The following ENOX2 variants were observed in gnomAD, a reference collection of about 807,000 sequenced individuals.
ENOX2 encodes the protein APK1 antigen.
A neutral mutation model predicts 45.0 loss-of-function variants in ENOX2; 36 were observed. The observed-to-expected ratio is 0.80, with a 90% CI of 0.61 to 1.06. ENOX2 has a LOEUF of 1.06. Among genes scored for constraint, ENOX2 ranks in the 50% least tolerant of loss-of-function variants. ENOX2 has a pLI of 0.00. For missense variants in ENOX2, 423 were observed against 462.5 expected (o/e 0.91, Z 0.78); for synonymous variants, 174 against 152.3 (o/e 1.14, Z -1.05).
intron 3 of ENOX2, among the ~76,000 whole-genome samples, chrX:130,783,244 C>T (rs1449313406): frequency 8.9e-6 from 1 of 112,184 alleles, no homozygotes; most frequent in Admixed American, 9.4e-5. Context: ...GCACTTCTGC[C>T]ATGAAGTGTT....
chrX:130,711,359 T>G (rs1193476850), intron 3 of ENOX2, among the ~76,000 whole-genome samples: 1 of 111,588 alleles, frequency 9.0e-6, no homozygotes, highest in Non-Finnish European at 1.9e-5. Flanking sequence ...TATTGCAGAC[T>G]TCAAGTGATG....
At chrX:130,720,879 C>T (rs946672499) in intron 3 of ENOX2, among the ~76,000 whole-genome samples, 10 of 111,436 alleles carry the variant, frequency 9.0e-5, no homozygotes, top group Admixed American at 3.8e-4. Flanking sequence ...AAGTATAGAG[C>T]GACAAGTCTG....
chrX:130,873,287 G>C (rs1428392205), intron 2 of ENOX2, among the ~76,000 whole-genome samples: 2 of 112,308 alleles, frequency 1.8e-5, no homozygotes, highest in Non-Finnish European at 3.8e-5. Flanking sequence ...ACAAACATAT[G>C]AAATAAAGCT....
chrX:130,886,044 T>C (rs762885093), intron 2 of ENOX2, among the ~76,000 whole-genome samples: 1 of 112,308 alleles, frequency 8.9e-6, no homozygotes, highest in South Asian at 3.7e-4. Flanking sequence ...ACTGAAGCTA[T>C]AAATTCAAAT....
At chrX:130,656,732 C>T (rs745717781) in intron 9 of ENOX2, 37 bp from the exon 10 acceptor site, 1 of 783,071 alleles carries the variant, frequency 1.3e-6, no homozygotes, top group Non-Finnish European at 1.9e-6. Context: ...GTGGGAATTC[C>T]TTGAAAATGT....
chrX:130,694,604 T>TC (rs2037702985), intron 4 of ENOX2, among the ~76,000 whole-genome samples: 1 of 101,459 alleles, frequency 9.9e-6, no homozygotes, highest in South Asian at 4.9e-4. Context: ...TCTTTTCTTT[T>TC]TTTTTTTTTT....
intron 2 of ENOX2, among the ~76,000 whole-genome samples, chrX:130,832,440 TAC>T (rs61623401): frequency 0.039 from 3,523 of 90,676 alleles, 76 homozygotes; most frequent in East Asian, 0.17. Flanking sequence ...CACACACACA[TAC>T]ACACACACAC....
chrX:130,881,933 G>A (rs2078819728), intron 2 of ENOX2, among the ~76,000 whole-genome samples: 2 of 111,930 alleles, frequency 1.8e-5, no homozygotes, highest in African/African-American at 6.5e-5. Flanking sequence ...TGCAGCTGCT[G>A]AAGGTCTGAA....
At chrX:130,712,094 C>T (rs903510007) in intron 3 of ENOX2, among the ~76,000 whole-genome samples, 3 of 112,402 alleles carry the variant, frequency 2.7e-5, no homozygotes, top group Admixed American at 1.9e-4. Context: ...GCAAGTTCCA[C>T]AAACTTTTTA....
chrX:130,633,424 A>G (rs1165440910), intron 12 of ENOX2, among the ~76,000 whole-genome samples: 1 of 112,457 alleles, frequency 8.9e-6, no homozygotes, highest in Non-Finnish European at 1.9e-5. Context: ...ACTGTCATGA[A>G]TTTCTCTAAA....
chrX:130,858,371 G>A (rs1167313344), intron 2 of ENOX2, among the ~76,000 whole-genome samples: 2 of 110,475 alleles, frequency 1.8e-5, no homozygotes, highest in Non-Finnish European at 3.8e-5. Flanking sequence ...GCCCGCCTCC[G>A]CCTCCCAAAG....
chrX:130,638,257 G>C (rs770389907), intron 10 of ENOX2, among the ~76,000 whole-genome samples: 1 of 109,094 alleles, frequency 9.2e-6, no homozygotes, highest in Admixed American at 9.8e-5. Context: ...CAGTAGAGGC[G>C]GGGTTTTGCC....
chrX:130,729,833 A>C (rs897434413), intron 3 of ENOX2, among the ~76,000 whole-genome samples: 4 of 112,207 alleles, frequency 3.6e-5, no homozygotes, highest in African/African-American at 9.7e-5. Flanking sequence ...TGGAGGCCAT[A>C]GCAGCTTTCG....
intron 7 of ENOX2, among the ~76,000 whole-genome samples, chrX:130,668,375 C>T (rs73555107): frequency 1.6e-3 from 182 of 111,739 alleles, no homozygotes; most frequent in African/African-American, 5.4e-3. Flanking sequence ...ATCCACAGCC[C>T]CAGGCCTTCC....
In ENOX2 at chrX:130,903,032, C is replaced by T. The variant is rs751314145; in HGVS notation, c.-231+17G>A. The T allele has an allele frequency of 9.0e-6, 1 of 111,691 alleles. No individual in the cohort carries two copies. Among genetic ancestry groups the T allele is most frequent in the African/African-American group, 3.3e-5 (1 of 30,642 alleles). 9.2% of individuals were successfully genotyped at this position (111,691 alleles called of 1,213,427 possible). A position where few individuals can be genotyped will look rare whatever the true frequency, so the allele number is the denominator to read the frequency against. ...CAGTCCCCAGCCACGGCCACCGGGG[C>T]TTTCTGCCTCTCTGACCTCCAGCTC... On this transcript the variant is annotated intron_variant, in intron 1 of 14. Transcript: ENST00000394363.
chrX:130,822,300 G>A (rs1222705258), intron 2 of ENOX2, among the ~76,000 whole-genome samples: 2 of 111,599 alleles, frequency 1.8e-5, no homozygotes, highest in South Asian at 3.7e-4. Flanking sequence ...ACAATAGTGC[G>A]AAAGCAACAT....
intron 9 of ENOX2, among the ~76,000 whole-genome samples, chrX:130,664,910 G>A (rs2036791382): frequency 8.9e-6 from 1 of 112,619 alleles, no homozygotes; most frequent in Non-Finnish European, 1.9e-5. Flanking sequence ...AAATGTAGTT[G>A]AAAAGTTGCT....
intron 2 of ENOX2, among the ~76,000 whole-genome samples, chrX:130,873,934 A>G (rs142086217): frequency 0.042 from 4,662 of 110,575 alleles, 125 homozygotes; most frequent in African/African-American, 0.095. Flanking sequence ...TAGGAGAAAT[A>G]CCTAATGTAG....
At chrX:130,676,803 C>T (rs187776676) in intron 6 of ENOX2, among the ~76,000 whole-genome samples, 1 of 111,703 alleles carries the variant, frequency 9.0e-6, no homozygotes, top group Admixed American at 9.5e-5. Context: ...TTACAACAGG[C>T]TTCTAACTGA....
Sources: allele counts gnomAD v4.1 joint callset (sites outside exome capture counted in the v4.1 genomes callset), GRCh38; gene constraint gnomAD v4.1.1; transcripts MANE v1.5; gene names NCBI Gene and HGNC (gene_info 2026-07-23, HGNC 2026-07-21).